ROPN1: variants seen among roughly 807,000 people sequenced by gnomAD.
ROPN1 encodes the protein rhophilin associated tail protein 1, also known as ropporin-1A.
Under a neutral mutation model 20.5 loss-of-function variants are expected in ROPN1, and 14 were observed. That is an observed-to-expected ratio of 0.68 (90% CI 0.45 to 1.07). The LOEUF is 1.07. Ranked by LOEUF, ROPN1 falls within the 50% of genes least tolerant of loss-of-function variation. ROPN1 has a pLI of 0.00. For missense variants in ROPN1, 169 were observed against 242.8 expected, an observed-to-expected ratio of 0.70 and a Z score of 2.02; for synonymous variants, 76 against 95.7, an observed-to-expected ratio of 0.79 and a Z score of 1.20.
intron 2 of ROPN1, 169 bp downstream of exon 2, chr3:123,980,197 A>T: frequency 1.5e-6 from 1 of 659,478 alleles, no homozygotes. Flanking sequence ...AGCTAGATGT[A>T]GCATTTATGT....
At chr3:123,983,381 A>G (rs1368896208) in intron 1 of ROPN1, among the ~76,000 whole-genome samples, 2 of 152,012 alleles carry the variant, frequency 1.3e-5, no homozygotes, top group Non-Finnish European at 2.9e-5. Context: ...TTCTGTGTCC[A>G]TGTATTTTGA....
chr3:123,978,636 A>G (rs546281226), intron 2 of ROPN1: 1 of 153,832 alleles, frequency 6.5e-6, no homozygotes, highest in African/African-American at 2.4e-5. Flanking sequence ...GACAACACAT[A>G]TGTAGGGAAA....
At chr3:123,971,902 G>A (rs1419404415) in intron 4 of ROPN1, among the ~76,000 whole-genome samples, 34 of 152,106 alleles carry the variant, frequency 2.2e-4, no homozygotes, top group Non-Finnish European at 7.3e-5. Context: ...TTGAACATAC[G>A]ACCGTTAAAA....
At chr3:123,980,132 C>G in intron 2 of ROPN1, 1 of 574,754 alleles carries the variant, frequency 1.7e-6, no homozygotes. Flanking sequence ...GCCTATTGAC[C>G]TGGCGTCCTA....
rs778919029 is a variant in ROPN1 at position 123,976,882 on chromosome 3, T to C, written c.216A>G (p.Leu72=). ...CCCTTACCTGAGAATGCAGGATCTTTAACAGCTCAGGTGTTAGCTCTGCCC... is the reference window on the plus strand; with the variant it reads ...CCCTTACCTGAGAATGCAGGATCTTCAACAGCTCAGGTGTTAGCTCTGCCC... The part of the protein sequence containing the change: ...CNRAELTPEL[L]KILHSQVAGR... Residue 72 remains leucine, a synonymous_variant, in exon 3 of 6, where the codon TTA becomes TTG. Transcript: ENST00000405845. The C allele has an allele frequency of 3.7e-6, 6 of 1,613,182 alleles. No individual in the cohort carries two copies. In the African/African-American group the frequency reaches 4.0e-5, roughly 11 times the overall value.
At chr3:123,969,524 A>G (rs1330080962) in intron 5 of ROPN1, among the ~76,000 whole-genome samples, 1 of 152,066 alleles carries the variant, frequency 6.6e-6, no homozygotes, top group Non-Finnish European at 1.5e-5. Context: ...GTTTCACCAG[A>G]TTGCCCAGGC....
chr3:123,982,883 T>C (rs182011751), intron 1 of ROPN1, among the ~76,000 whole-genome samples: 3 of 152,318 alleles, frequency 2.0e-5, no homozygotes, highest in African/African-American at 7.2e-5. Flanking sequence ...CCTATTCTCC[T>C]TCCCCACAGC....
chr3:123,981,266 C>G (rs1332268654), intron 1 of ROPN1: 1 of 152,190 alleles, frequency 6.6e-6, no homozygotes, highest in African/African-American at 2.4e-5. Flanking sequence ...CAGTACAAGC[C>G]TTTCACATTG....
chr3:123,969,918 T>C (rs2037881307), intron 5 of ROPN1, 124 bp downstream of exon 5: 2 of 937,134 alleles, frequency 2.1e-6, no homozygotes, highest in Non-Finnish European at 3.1e-6. Context: ...ATCATCCATA[T>C]TTCATGTTTC....
At chr3:123,991,801 C>G (rs2038416252) in intron 1 of ROPN1, 121 bp downstream of exon 1, 1 of 152,434 alleles carries the variant, frequency 6.6e-6, no homozygotes, top group Non-Finnish European at 1.5e-5. Context: ...TCCCCTTGCC[C>G]TGTGAACAAG....
At chr3:123,973,773 C>T (rs2037959704) in intron 4 of ROPN1, among the ~76,000 whole-genome samples, 2 of 152,128 alleles carry the variant, frequency 1.3e-5, no homozygotes, top group Non-Finnish European at 1.5e-5. Flanking sequence ...AGGAGGCCCT[C>T]GACACCATTG....
intron 4 of ROPN1, chr3:123,974,467 CTA>C (rs1298235169): frequency 2.0e-5 from 3 of 152,164 alleles, no homozygotes; most frequent in Non-Finnish European, 4.4e-5. Context: ...GTAGGGGAAT[CTA>C]TAGGAAATTT....
At chr3:123,986,547 A>G (rs1577375707) in intron 1 of ROPN1, among the ~76,000 whole-genome samples, 2 of 151,974 alleles carry the variant, frequency 1.3e-5, no homozygotes, top group African/African-American at 2.4e-5. Flanking sequence ...GTGGAGGAGG[A>G]TCTGCTGTTC....
At position 123,977,089 on chromosome 3, in the gene ROPN1, C is replaced by G. The variant is rs2038042363; in HGVS notation, c.117-108G>C. 5 of 1,216,840 alleles carry G rather than the reference C, an allele frequency of 4.1e-6. No homozygotes were observed. In the Admixed American group the frequency reaches 7.1e-5, roughly 17 times the overall value. 75.4% of individuals were successfully genotyped at this position (1,216,840 alleles called of 1,614,324 possible). ...TGAGGGAAGGAGGTAGAGAAAGGAA[C>G]CTTTGTTAAGTGGCTTCTATGTGTC... On this transcript the variant is annotated intron_variant, in intron 2 of 5. Transcript: ENST00000405845.
intron 1 of ROPN1, among the ~76,000 whole-genome samples, chr3:123,984,494 A>C (rs1368771650): frequency 2.0e-5 from 3 of 152,154 alleles, no homozygotes; most frequent in African/African-American, 7.2e-5. Context: ...TCTCTGGCTC[A>C]GCCCCTTATC....
chr3:123,969,896 G>A (rs12637464), intron 5 of ROPN1, 146 bp downstream of exon 5: 129 of 779,162 alleles, frequency 1.7e-4, no homozygotes, highest in Non-Finnish European at 9.1e-5. Context: ...TCCCTTTCCC[G>A]TTTTCTTTCA....
In ROPN1 at chr3:123,976,963, G is replaced by C; in HGVS notation, c.135C>G (p.Ser45=). The C allele has an allele frequency of 6.2e-7, 1 of 1,613,084 alleles. No homozygotes were observed. Among genetic ancestry groups the C allele is most frequent in the Non-Finnish European group, 8.5e-7 (1 of 1,179,724 alleles). The change falls in exon 3 of 6, where the codon TCC becomes TCG. Residue 45 remains serine (S), a synonymous_variant. Transcript: ENST00000405845. ...QWAADYFEAL[S]RGETPPVRER... Reference sequence around the variant, plus strand: ...CTCTCACCGGAGGCGTCTCTCCACGGGACAGGGCCTCAAAATAACTACAAG... The same window carrying C: ...CTCTCACCGGAGGCGTCTCTCCACGCGACAGGGCCTCAAAATAACTACAAG...
chr3:123,979,086 A>G (rs1468929654), intron 2 of ROPN1: 1 of 169,646 alleles, frequency 5.9e-6, no homozygotes, highest in Non-Finnish European at 1.3e-5. Flanking sequence ...GAGGCAATAT[A>G]TAAAATTTAA....
intron 1 of ROPN1, among the ~76,000 whole-genome samples, chr3:123,984,038 A>G (rs1478946477): frequency 1.3e-5 from 2 of 151,902 alleles, no homozygotes; most frequent in Admixed American, 6.6e-5. Flanking sequence ...TTGTGTGTCT[A>G]TTTTCCTCAG....
Sources: gnomAD v4.1 joint callset for allele counts (sites outside exome capture counted in the v4.1 genomes callset) on GRCh38, gnomAD v4.1.1 for gene constraint, MANE v1.5 for transcripts, NCBI Gene and HGNC (gene_info 2026-07-23, HGNC 2026-07-21) for gene names.